Variants in MYO1D observed in about 807,000 individuals in gnomAD.
The protein encoded by MYO1D is unconventional myosin-Id.
MYO1D carries 83 observed loss-of-function variants against 122.0 expected under a neutral mutation model. The ratio of observed to expected loss-of-function variants is 0.68; its 90% CI spans 0.57 to 0.82. The LOEUF (loss-of-function observed/expected upper bound fraction) is 0.82. Ranked by LOEUF, MYO1D falls within the 40% of genes least tolerant of loss-of-function variation. The pLI is 0.00. For missense variants in MYO1D, 1,157 were observed against 1,269.5 expected, an observed-to-expected ratio of 0.91 and a Z score of 1.35; for synonymous variants, 464 against 446.9, an observed-to-expected ratio of 1.04 and a Z score of -0.48.
chr17:32,862,897 G>A (rs1197225885), intron 1 of MYO1D: 1 of 152,190 alleles, frequency 6.6e-6, no homozygotes, highest in Non-Finnish European at 1.5e-5. Context: ...CTGCATATGA[G>A]ACTCACCTGG....
intron 16 of MYO1D, among the ~76,000 whole-genome samples, chr17:32,694,618 G>A (rs112257698): frequency 2.8e-5 from 4 of 144,778 alleles, no homozygotes; most frequent in African/African-American, 7.6e-5. Flanking sequence ...GGAGAATGGC[G>A]TGAACCCGGG....
intron 13 of MYO1D, among the ~76,000 whole-genome samples, chr17:32,743,761 ACACT>A (rs1417327279): frequency 1.3e-5 from 2 of 151,666 alleles, no homozygotes; most frequent in African/African-American, 4.8e-5. Context: ...GGGACTACAG[ACACT>A]CACCGCCACA....
At chr17:32,778,406 G>T in intron 3 of MYO1D, 74 bp downstream of exon 3, 1 of 1,434,814 alleles carries the variant, frequency 7.0e-7, no homozygotes, top group East Asian at 2.3e-5. Flanking sequence ...TCAACCCCTA[G>T]AGTTTAGGTC....
intron 1 of MYO1D, among the ~76,000 whole-genome samples, chr17:32,817,927 C>T (rs2090625995): frequency 6.6e-6 from 1 of 150,886 alleles, no homozygotes; most frequent in African/African-American, 2.4e-5. Flanking sequence ...GAGATCGAGA[C>T]CATCCCGGCT....
intron 21 of MYO1D, among the ~76,000 whole-genome samples, chr17:32,511,190 C>G (rs1302867319): frequency 5.9e-5 from 9 of 151,860 alleles, no homozygotes; most frequent in Admixed American, 5.9e-4. Flanking sequence ...CTTCTTCTAC[C>G]TCCCCTACTC....
chr17:32,541,748 AT>A (rs1910843325), intron 21 of MYO1D, among the ~76,000 whole-genome samples: 1 of 152,118 alleles, frequency 6.6e-6, no homozygotes, highest in Admixed American at 6.5e-5. Context: ...GTGCATTCTT[AT>A]TATTCACCTG....
At chr17:32,772,048 T>C (rs911759852) in intron 5 of MYO1D, among the ~76,000 whole-genome samples, 1 of 152,232 alleles carries the variant, frequency 6.6e-6, no homozygotes, top group Non-Finnish European at 1.5e-5. Context: ...ATGAGTAGTG[T>C]CTATTAAAGC....
At chr17:32,699,338 A>C (rs1053516030) in intron 16 of MYO1D, among the ~76,000 whole-genome samples, 1 of 152,208 alleles carries the variant, frequency 6.6e-6, no homozygotes, top group Non-Finnish European at 1.5e-5. Context: ...TTAATATTAC[A>C]TATCAAGTTT....
chr17:32,572,230 C>T (rs940740112), intron 21 of MYO1D, among the ~76,000 whole-genome samples: 2 of 151,770 alleles, frequency 1.3e-5, no homozygotes, highest in Non-Finnish European at 1.5e-5. Flanking sequence ...CACTTTTACT[C>T]CCCCTCGCCC....
At chr17:32,532,562 C>CT (rs1207780880) in intron 21 of MYO1D, among the ~76,000 whole-genome samples, 2 of 151,864 alleles carry the variant, frequency 1.3e-5, no homozygotes, top group African/African-American at 4.8e-5. Context: ...CCCGTCTCTA[C>CT]TAAAAATACA....
At chr17:32,759,300 A>G (rs2089977640) in intron 10 of MYO1D, among the ~76,000 whole-genome samples, 1 of 152,130 alleles carries the variant, frequency 6.6e-6, no homozygotes, top group Non-Finnish European at 1.5e-5. Context: ...GATGGAAGGC[A>G]GATACAATTT....
chr17:32,668,845 G>A (rs1015218815), intron 16 of MYO1D, among the ~76,000 whole-genome samples: 1 of 151,900 alleles, frequency 6.6e-6, no homozygotes, highest in African/African-American at 2.4e-5. Flanking sequence ...GGGACTACAG[G>A]TGCCCGCCAC....
rs540395132 is a variant in MYO1D, at chr17:32,652,969, G to A, written c.2595+874C>T. 3.9e-5 allele frequency among the ~76,000 whole-genome samples: 6 copies of A among 152,130 alleles called. No individual in the cohort carries two copies. The East Asian group carries it at 5.8e-4, about 15-fold the overall frequency. ...ATCCTGGCTAACATGGTGAAACCCCGTCTCTACTAAAGAATACAAAAAATT... is the reference window on the plus strand; with the variant it reads ...ATCCTGGCTAACATGGTGAAACCCCATCTCTACTAAAGAATACAAAAAATT... On this transcript the variant is annotated intron_variant, in intron 19 of 21. Transcript: ENST00000318217.
At chr17:32,845,093 T>C (rs904195665) in intron 1 of MYO1D, among the ~76,000 whole-genome samples, 2 of 152,120 alleles carry the variant, frequency 1.3e-5, no homozygotes, top group Non-Finnish European at 2.9e-5. Flanking sequence ...TCGATGGCTA[T>C]TCTGGGTGGT....
intron 8 of MYO1D, among the ~76,000 whole-genome samples, chr17:32,761,691 A>T (rs554559995): frequency 2.6e-5 from 4 of 152,218 alleles, no homozygotes; most frequent in African/African-American, 9.6e-5. Flanking sequence ...AGACTCAGAG[A>T]ACAGTCTCTG....
chr17:32,550,625 T>C (rs1341370319), intron 21 of MYO1D, among the ~76,000 whole-genome samples: 1 of 152,166 alleles, frequency 6.6e-6, no homozygotes, highest in Non-Finnish European at 1.5e-5. Context: ...TTCTAGGTAA[T>C]TAAAAAGGTA....
intron 21 of MYO1D, among the ~76,000 whole-genome samples, chr17:32,564,666 A>G (rs1454367130): frequency 6.6e-6 from 1 of 152,224 alleles, no homozygotes; most frequent in African/African-American, 2.4e-5. Flanking sequence ...GACTAAGTAG[A>G]CAGACGACTA....
rs561090723 is a variant in MYO1D, at chr17:32,500,035, G to A, written c.2865-5120C>T. ...GTTTAATGGAGCATTCACACCACAT[G>A]TACTGGTCTCCACTTTCAGAATGCA... On this transcript the variant is annotated intron_variant, in intron 21 of 21. Coordinates refer to ENST00000318217, the MANE Select transcript of MYO1D (RefSeq NM_015194.3). 2.6e-5 allele frequency among the ~76,000 whole-genome samples: 4 copies of A among 152,304 alleles called. No individual in the cohort carries two copies. In the South Asian group the frequency reaches 8.3e-4, roughly 32 times the overall value.
intron 1 of MYO1D, among the ~76,000 whole-genome samples, chr17:32,847,025 A>G (rs1488295385): frequency 6.6e-6 from 1 of 152,160 alleles, no homozygotes; most frequent in Non-Finnish European, 1.5e-5. Context: ...CAGAATAGGG[A>G]GATTAGATGA....
Sources: allele counts gnomAD v4.1 joint callset (sites outside exome capture counted in the v4.1 genomes callset), GRCh38; gene constraint gnomAD v4.1.1; transcripts MANE v1.5; gene names NCBI Gene and HGNC (gene_info 2026-07-23, HGNC 2026-07-21).